Variants in NEK4 observed in about 807,000 individuals in gnomAD.
NEK4 encodes the protein serine/threonine-protein kinase Nek4.
In NEK4, 86 loss-of-function variants were observed where a neutral mutation model predicts 98.4. The observed-to-expected ratio is 0.87, with a 90% confidence interval of 0.73 to 1.05. The LOEUF (loss-of-function observed/expected upper bound fraction) is 1.05. Ranked by LOEUF, NEK4 falls within the 50% of genes least tolerant of loss-of-function variation. The probability of loss-of-function intolerance (pLI) is 0.00; values close to 1 mark genes in which losing one functional copy is unlikely to be tolerated. For synonymous variants in NEK4, 328 were observed against 342.2 expected (o/e 0.96, Z 0.46); for missense variants, 898 against 950.3 (o/e 0.94, Z 0.72).
At chr3:52,764,772 ACACATG>A (rs961668014) in intron 4 of NEK4, among the ~76,000 whole-genome samples, 2,500 of 79,678 alleles carry the variant, frequency 0.031, 66 homozygotes, top group African/African-American at 0.16. Context: ...GCACACACAC[ACACATG>A]CACACACACA....
intron 15 of NEK4, among the ~76,000 whole-genome samples, chr3:52,724,262 C>CACACACACACAA (rs1312010300): frequency 6.6e-6 from 1 of 150,818 alleles, no homozygotes; most frequent in Non-Finnish European, 1.5e-5. Context: ...CACACACACA[C>CACACACACACAA]AAAACTGTCA....
rs763668663 is a variant in NEK4 at position 52,746,045 on chromosome 3, A to T, written c.1827+16T>A. The T allele has an allele frequency of 1.2e-6, 2 of 1,611,384 alleles. No homozygotes were observed. The highest frequency in any genetic ancestry group is 2.2e-5 in the South Asian group (2 of 90,456). On this transcript the variant is annotated intron_variant, in intron 10 of 15. Coordinates refer to ENST00000233027, the MANE Select transcript of NEK4 (RefSeq NM_003157.6). ...GTTATAAGGTTTTTAAAAATCCAGC[A>T]TATGTTCCCACAAACCTTTGATGAT... is the stretch of plus-strand genomic sequence containing the variant.
chr3:52,758,057 T>G (rs1698195638), intron 6 of NEK4, among the ~76,000 whole-genome samples: 1 of 151,632 alleles, frequency 6.6e-6, no homozygotes, highest in Non-Finnish European at 1.5e-5. Flanking sequence ...CGTGTACCTG[T>G]AATCCCAGCT....
chr3:52,763,756 A>G (rs1559449551), intron 4 of NEK4, 132 bp from the exon 5 acceptor site: 2 of 590,968 alleles, frequency 3.4e-6, no homozygotes. Context: ...ATATTAGTCT[A>G]CAGGAAGTGT....
chr3:52,752,267 T>A lies in NEK4; in HGVS notation c.1033A>T (p.Lys345Ter). 1 of 1,614,194 alleles carries A rather than the reference T, an allele frequency of 6.2e-7. No individual in the cohort carries two copies. The highest frequency in any genetic ancestry group is 8.5e-7 in the Non-Finnish European group (1 of 1,180,024). ...AAGTCCTGTTTGCAGGTATGGGCTT[T>A]CAGACTGGCAGGTGACTTCAAGAGA... ...SGLLKSPASL[K>*]AHTCKQDLSN... Residue 345 changes from lysine to a stop codon, truncating the protein, a stop_gained, in exon 7 of 16, where the codon AAA becomes TAA. Coordinates refer to ENST00000233027, the MANE Select transcript of NEK4 (RefSeq NM_003157.6). LOFTEE classifies it high-confidence loss of function.
At chr3:52,742,080 G>C (rs1578658047) in intron 12 of NEK4, among the ~76,000 whole-genome samples, 1 of 152,092 alleles carries the variant, frequency 6.6e-6, no homozygotes. Flanking sequence ...GCCTGCCCAA[G>C]GTGAAGTTTT....
chr3:52,730,430 T>G (rs560842219), intron 15 of NEK4, among the ~76,000 whole-genome samples: 1 of 152,184 alleles, frequency 6.6e-6, no homozygotes, highest in Middle Eastern at 3.2e-3. Flanking sequence ...TCCTGGTTCA[T>G]TTTATGAGGC....
intron 7 of NEK4, among the ~76,000 whole-genome samples, chr3:52,751,076 C>A (rs1209083475): frequency 1.3e-5 from 2 of 152,096 alleles, no homozygotes; most frequent in African/African-American, 4.8e-5. Context: ...TTTGGGAGGC[C>A]AAAGCAGGCT....
In NEK4 at chr3:52,752,143, T is replaced by G. The variant is rs777828147; in HGVS notation, c.1157A>C (p.Asn386Thr). The G allele has an allele frequency of 9.3e-6, 15 of 1,614,088 alleles. No homozygotes were observed. In the Admixed American group the frequency reaches 2.3e-4, roughly 25 times the overall value. ...DSVSDGFVQE[N>T]QPRYLDASNE... ...AGAGGCATCCAAATATCTTGGCTGA[T>G]TCTCCTGAACAAAGCCATCACTCAC... is the stretch of plus-strand genomic sequence containing the variant. Residue 386 changes from asparagine (N) to threonine (T), a missense_variant, in exon 7 of 16, where the codon AAT (asparagine) becomes ACT (threonine). Coordinates refer to ENST00000233027, the MANE Select transcript of NEK4 (RefSeq NM_003157.6).
intron 1 of NEK4, 24 bp from the exon 2 acceptor site, chr3:52,768,628 A>G (rs1698669281): frequency 1.2e-6 from 2 of 1,609,366 alleles, no homozygotes; most frequent in South Asian, 1.1e-5. Context: ...ATGTATTTTT[A>G]CAATGTGCAA....
In NEK4 at chr3:52,759,105, GAAA is replaced by G. The variant is rs201147041; in HGVS notation, c.963+1687_963+1689del. Among the ~76,000 whole-genome samples the G allele has an allele frequency of 3.6e-4, 41 of 112,604 alleles. No individual in the cohort carries two copies. In the South Asian group the frequency reaches 0.013, roughly 37 times the overall value. 73.9% of individuals were successfully genotyped at this position (112,604 alleles called of 152,430 possible). A position where few individuals can be genotyped will look rare whatever the true frequency, so the allele number is the denominator to read the frequency against. On this transcript the variant is annotated intron_variant, in intron 6 of 15. Transcript: ENST00000233027. ...GATCCTCTCTTAAAAAAAGAAAAAA[GAAA>G]AAAAAAAAAAAAGCCTGGGCACAGT...
At chr3:52,761,163 CCT>C (rs1559447532) in intron 5 of NEK4, among the ~76,000 whole-genome samples, 1 of 152,008 alleles carries the variant, frequency 6.6e-6, no homozygotes, top group Non-Finnish European at 1.5e-5. Context: ...ATCACAGACC[CCT>C]GATTAGATGT....
At chr3:52,751,810 T>G (rs1465764861) in intron 7 of NEK4, 122 bp downstream of exon 7, 2 of 962,174 alleles carry the variant, frequency 2.1e-6, no homozygotes. Flanking sequence ...AATATTCTTC[T>G]ATGTTTAAAC....
chr3:52,739,101 T>C (rs2097381199), intron 14 of NEK4, among the ~76,000 whole-genome samples: 1 of 152,186 alleles, frequency 6.6e-6, no homozygotes, highest in African/African-American at 2.4e-5. Context: ...TCCAGTTTGC[T>C]GTAAAAGAAT....
intron 14 of NEK4, 43 bp downstream of exon 14, chr3:52,739,386 G>A (rs375584768): frequency 1.2e-5 from 19 of 1,527,874 alleles, no homozygotes; most frequent in African/African-American, 4.1e-5. Context: ...GTGACAGAGT[G>A]AGACTCCGTC....
Position 52,737,658 on chromosome 3 carries a change from A to G in NEK4, c.2361T>C (p.Ile787=), listed in dbSNP as rs186683094. ...CTAAAAGCTGAACTCCCAGGCCACG[A>G]ATTACATCAGTTCTCAAGACTTCAA... The part of the protein sequence containing the change: ...RLVEVLRTDV[I]RGLGVQLLEQ... The change falls in exon 15 of 16, where the codon ATT becomes ATC. Residue 787 remains isoleucine, a synonymous_variant. Transcript: ENST00000233027. The G allele has an allele frequency of 6.2e-7, 1 of 1,613,890 alleles. No individual in the cohort carries two copies. The highest frequency in any genetic ancestry group is 1.3e-5 in the African/African-American group (1 of 74,934).
Position 52,709,561 on chromosome 3 carries a change from TGTG to T in NEK4, c.*2213_*2215del, listed in dbSNP as rs1311962575. Reference sequence around the variant, plus strand: ...CAAAAAATTTTAAAAATTAGCCAGGTGTGGTGGTGCATGCCTGTGGTCCTAGCT... The same window carrying T: ...CAAAAAATTTTAAAAATTAGCCAGGTGTGGTGCATGCCTGTGGTCCTAGCT... On this transcript the variant is annotated 3_prime_UTR_variant, in exon 16 of 16. Coordinates refer to ENST00000233027, the MANE Select transcript of NEK4 (RefSeq NM_003157.6). 6.6e-6 allele frequency: 1 copy of T among 151,058 alleles called. No individual in the cohort carries two copies. The highest frequency in any genetic ancestry group is 1.5e-5 in the Non-Finnish European group (1 of 67,828). The allele number at this position is 151,058 out of a possible 1,614,324, so 9.4% of individuals were successfully genotyped here. A position where few individuals can be genotyped will look rare whatever the true frequency, so the allele number is the denominator to read the frequency against.
chr3:52,759,421 T>A (rs1209507799), intron 6 of NEK4, among the ~76,000 whole-genome samples: 2 of 150,930 alleles, frequency 1.3e-5, no homozygotes, highest in Non-Finnish European at 1.5e-5. Context: ...AAGCAAAAGC[T>A]TTAGCAGATA....
At chr3:52,720,885 C>G (rs1461077257) in intron 15 of NEK4, among the ~76,000 whole-genome samples, 1 of 152,182 alleles carries the variant, frequency 6.6e-6, no homozygotes, top group Non-Finnish European at 1.5e-5. Flanking sequence ...CTCTCCTTAA[C>G]TAATCTGAAA....
Sources: gnomAD v4.1 joint callset for allele counts (sites outside exome capture counted in the v4.1 genomes callset) on GRCh38, gnomAD v4.1.1 for gene constraint, MANE v1.5 for transcripts, NCBI Gene and HGNC (gene_info 2026-07-23, HGNC 2026-07-21) for gene names.